DIAPH2: variants seen among roughly 807,000 people sequenced by gnomAD.
DIAPH2 encodes diaphanous related formin 2.
Under a neutral mutation model 92.7 loss-of-function variants are expected in DIAPH2, and 35 were observed. That is an observed-to-expected ratio of 0.38 (90% CI 0.29 to 0.50). The LOEUF is 0.50. Among genes scored for constraint, DIAPH2 ranks in the 20% least tolerant of loss-of-function variants. The pLI, the probability that DIAPH2 is intolerant of heterozygous loss-of-function variation, is 0.94. For missense variants in DIAPH2, 701 were observed against 819.5 expected, an observed-to-expected ratio of 0.86 and a Z score of 1.77; for synonymous variants, 301 against 280.4, an observed-to-expected ratio of 1.07 and a Z score of -0.73.
At chrX:97,392,136 C>T (rs1283414539) in intron 25 of DIAPH2, among the ~76,000 whole-genome samples, 1 of 111,938 alleles carries the variant, frequency 8.9e-6, no homozygotes, top group Non-Finnish European at 1.9e-5. Context: ...AGCTCTGCTA[C>T]CTAGCTTTAT....
chrX:96,890,646 C>T (rs917425911), intron 5 of DIAPH2, among the ~76,000 whole-genome samples: 2 of 110,624 alleles, frequency 1.8e-5, no homozygotes, highest in Admixed American at 9.7e-5. Context: ...AATAAGTGTA[C>T]ACACACACAC....
At chrX:96,811,924 G>A (rs1299705468) in intron 4 of DIAPH2, among the ~76,000 whole-genome samples, 2 of 111,877 alleles carry the variant, frequency 1.8e-5, no homozygotes, top group Non-Finnish European at 3.8e-5. Flanking sequence ...CGGTTTGCCA[G>A]TATTTTATTG....
chrX:96,787,871 T>A (rs1235111271), intron 4 of DIAPH2, among the ~76,000 whole-genome samples: 3 of 106,772 alleles, frequency 2.8e-5, no homozygotes, highest in African/African-American at 1.0e-4. Context: ...TTTTCTTTTT[T>A]TTTTTTATTT....
At chrX:97,074,948 T>C (rs1160173369) in intron 18 of DIAPH2, among the ~76,000 whole-genome samples, 1 of 112,016 alleles carries the variant, frequency 8.9e-6, no homozygotes, top group Non-Finnish European at 1.9e-5. Flanking sequence ...TGTGTAAATA[T>C]GCACTAGCTA....
intron 22 of DIAPH2, among the ~76,000 whole-genome samples, chrX:97,142,865 C>A (rs1411584748): frequency 9.0e-6 from 1 of 111,334 alleles, no homozygotes; most frequent in Non-Finnish European, 1.9e-5. Flanking sequence ...TTATTACAAA[C>A]CATATAAACC....
At chrX:97,327,184 C>T (rs1002138131) in intron 23 of DIAPH2, among the ~76,000 whole-genome samples, 2 of 110,682 alleles carry the variant, frequency 1.8e-5, no homozygotes, top group South Asian at 3.8e-4. Context: ...CTGCAACCTC[C>T]GCCTCCTGGG....
intron 17 of DIAPH2, among the ~76,000 whole-genome samples, chrX:97,017,867 G>C (rs1051502087): frequency 8.9e-6 from 1 of 111,966 alleles, no homozygotes; most frequent in East Asian, 2.8e-4. Flanking sequence ...CCATGTGAGT[G>C]GAGCTGACCT....
intron 5 of DIAPH2, among the ~76,000 whole-genome samples, chrX:96,896,258 C>T (rs954098828): frequency 8.9e-6 from 1 of 111,760 alleles, no homozygotes; most frequent in Non-Finnish European, 1.9e-5. Context: ...TTTACTTCTA[C>T]ATATAACCAT....
chrX:97,352,870 CAAAAAAAAAAA>C (rs1176922373), intron 24 of DIAPH2, among the ~76,000 whole-genome samples: 5 of 27,098 alleles, frequency 1.8e-4, no homozygotes, highest in Middle Eastern at 0.022. Context: ...AATCTGTCTC[CAAAAAAAAAAA>C]AAAAAAAAAA....
At chrX:97,242,923 A>G (rs1377723245) in intron 22 of DIAPH2, among the ~76,000 whole-genome samples, 3 of 109,186 alleles carry the variant, frequency 2.7e-5, no homozygotes, top group South Asian at 4.0e-4. Flanking sequence ...AGTAGCTGGG[A>G]CTACAGGCGC....
chrX:97,184,226 C>T (rs2147468089), intron 22 of DIAPH2, among the ~76,000 whole-genome samples: 1 of 111,519 alleles, frequency 9.0e-6, no homozygotes, highest in East Asian at 2.8e-4. Context: ...AAGGGCCTCC[C>T]TCTCAATTCT....
At chrX:96,883,335 G>A (rs975056824) in intron 5 of DIAPH2, among the ~76,000 whole-genome samples, 3 of 110,507 alleles carry the variant, frequency 2.7e-5, no homozygotes, top group Admixed American at 9.7e-5. Flanking sequence ...AAAGACGATT[G>A]TCTTGCCATT....
intron 1 of DIAPH2, among the ~76,000 whole-genome samples, chrX:96,703,777 A>G (rs897259941): frequency 8.9e-6 from 1 of 112,112 alleles, no homozygotes; most frequent in Non-Finnish European, 1.9e-5. Flanking sequence ...TTCCGTTTGC[A>G]TATATCAATC....
chrX:97,114,986 G>C, intron 21 of DIAPH2, 21 bp downstream of exon 21: 6 of 1,132,710 alleles, frequency 5.3e-6, no homozygotes, highest in Non-Finnish European at 7.0e-6. Context: ...ATTTTATAAT[G>C]CTAATTTACA....
At chrX:97,138,690 C>T (rs1156682001) in intron 21 of DIAPH2, among the ~76,000 whole-genome samples, 2 of 111,571 alleles carry the variant, frequency 1.8e-5, no homozygotes, top group Non-Finnish European at 3.8e-5. Context: ...TTTCCCATTT[C>T]TAGAACTGCT....
At position 96,685,150 on chromosome X, in the gene DIAPH2, G is replaced by C; in HGVS notation, c.92G>C (p.Arg31Pro). 2 of 1,015,351 alleles carry C rather than the reference G, an allele frequency of 2.0e-6. No individual in the cohort carries two copies. The highest frequency in any genetic ancestry group is 2.5e-6 in the Non-Finnish European group (2 of 792,375). 83.7% of individuals were successfully genotyped at this position (1,015,351 alleles called of 1,213,427 possible). The change falls in exon 1 of 27, where the codon CGG becomes CCG. Residue 31 changes from arginine (R) to proline (P), a missense_variant. Physicochemically the swap from Arg to Pro is moderately radical, Grantham distance 103 (BLOSUM62 -2). This residue lies in a region of DIAPH2 where 131 missense variants were observed against 145.6 expected (regional missense o/e 0.90). Coordinates refer to ENST00000324765, the MANE Select transcript of DIAPH2 (RefSeq NM_006729.5). ...GRSNKRSAGN[R>P]AANEEETKNK... ...AGCAACAAGCGGAGCGCGGGGAACC[G>C]GGCCGCCAATGAAGAGGAAACGAAA...
At chrX:96,720,914 T>A (rs780700470) in intron 1 of DIAPH2, among the ~76,000 whole-genome samples, 1 of 111,565 alleles carries the variant, frequency 9.0e-6, no homozygotes, top group Non-Finnish European at 1.9e-5. Flanking sequence ...CTAGGAAACT[T>A]TTTAGTAACA....
chrX:96,970,861 G>A (rs2065923526), intron 17 of DIAPH2, among the ~76,000 whole-genome samples: 1 of 110,768 alleles, frequency 9.0e-6, no homozygotes, highest in Non-Finnish European at 1.9e-5. Context: ...AACTTTTTCA[G>A]GTAGGCCTAT....
At chrX:97,073,181 T>G in intron 18 of DIAPH2, 139 bp downstream of exon 18, 1 of 445,034 alleles carries the variant, frequency 2.2e-6, no homozygotes, top group Non-Finnish European at 3.8e-6. Flanking sequence ...TGTGTAAACA[T>G]GATTTGGTTG....
Sources: gnomAD v4.1 joint callset for allele counts (sites outside exome capture counted in the v4.1 genomes callset) on GRCh38, gnomAD v4.1.1 for gene constraint, gnomAD v4.1.1 regional missense constraint, MANE v1.5 for transcripts, NCBI Gene and HGNC (gene_info 2026-07-23, HGNC 2026-07-21) for gene names.